PLXDC2: variants seen among roughly 807,000 people sequenced by gnomAD.
The protein encoded by PLXDC2 is plexin domain-containing protein 2.
Under a neutral mutation model 68.9 loss-of-function variants are expected in PLXDC2, and 40 were observed. The ratio of observed to expected loss-of-function variants is 0.58; its 90% CI spans 0.45 to 0.76. The LOEUF (loss-of-function observed/expected upper bound fraction) is 0.76. PLXDC2 is among the 30% of genes least tolerant of loss of function. The pLI, the probability that PLXDC2 is intolerant of heterozygous loss-of-function variation, is 0.00. For synonymous variants in PLXDC2, 243 were observed against 234.2 expected (o/e 1.04, Z -0.34); for missense variants, 644 against 661.9 (o/e 0.97, Z 0.30).
chr10:19,836,680 C>T (rs1836799021), intron 1 of PLXDC2, among the ~76,000 whole-genome samples: 1 of 152,186 alleles, frequency 6.6e-6, no homozygotes, highest in African/African-American at 2.4e-5. Context: ...GAAATAACAG[C>T]TGCATTCAAG....
intron 1 of PLXDC2, among the ~76,000 whole-genome samples, chr10:19,906,120 TAAAG>T (rs1345503997): frequency 1.3e-5 from 2 of 151,786 alleles, no homozygotes; most frequent in Non-Finnish European, 1.5e-5. Flanking sequence ...TGGAGCAAAA[TAAAG>T]AAGAGAGAGG....
intron 13 of PLXDC2, among the ~76,000 whole-genome samples, chr10:20,256,813 T>G (rs1835748746): frequency 6.6e-6 from 1 of 152,198 alleles, no homozygotes; most frequent in Non-Finnish European, 1.5e-5. Flanking sequence ...TACTGAACAT[T>G]GAATTTAGTC....
intron 4 of PLXDC2, among the ~76,000 whole-genome samples, chr10:20,093,375 A>G (rs139018357): frequency 0.011 from 1,684 of 152,190 alleles, 14 homozygotes; most frequent in Non-Finnish European, 0.017. Context: ...ATCAATATCT[A>G]TATTAATATT....
In PLXDC2 at chr10:20,283,077, T is replaced by A. The variant is rs1051909194; in HGVS notation, c.*3258T>A. 1 of 152,210 alleles carries A rather than the reference T, an allele frequency of 6.6e-6. No individual in the cohort carries two copies. Among genetic ancestry groups the A allele is most frequent in the African/African-American group, 2.4e-5 (1 of 41,462 alleles). 9.4% of individuals were successfully genotyped at this position (152,210 alleles called of 1,614,324 possible). ...CTTCCGTGGTTGAAGAAAATTTTAA[T>A]GGACAATGCTGTGTTTCATTTGAAT... On this transcript the variant is annotated 3_prime_UTR_variant, in exon 14 of 14. Transcript: ENST00000377252.
At chr10:19,921,907 G>T (rs1187142670) in intron 1 of PLXDC2, among the ~76,000 whole-genome samples, 1 of 151,978 alleles carries the variant, frequency 6.6e-6, no homozygotes, top group South Asian at 2.1e-4. Flanking sequence ...TCTCAGTCTG[G>T]AATGCAGTGG....
intron 9 of PLXDC2, among the ~76,000 whole-genome samples, chr10:20,203,005 G>A (rs1834941313): frequency 6.6e-6 from 1 of 152,040 alleles, no homozygotes; most frequent in African/African-American, 2.4e-5. Flanking sequence ...ATCATCAGTG[G>A]CTTTTAATCA....
chr10:19,904,042 G>T (rs1838202864), intron 1 of PLXDC2, among the ~76,000 whole-genome samples: 1 of 152,032 alleles, frequency 6.6e-6, no homozygotes, highest in Non-Finnish European at 1.5e-5. Context: ...TACGATCTGG[G>T]AGAGTACCTG....
At chr10:20,011,976 G>C (rs879840404) in intron 2 of PLXDC2, among the ~76,000 whole-genome samples, 6 of 152,124 alleles carry the variant, frequency 3.9e-5, no homozygotes, top group African/African-American at 1.4e-4. Flanking sequence ...GATAGTGTCT[G>C]ATAAACAGTG....
At chr10:19,935,931 G>T (rs562258231) in intron 1 of PLXDC2, among the ~76,000 whole-genome samples, 1 of 152,180 alleles carries the variant, frequency 6.6e-6, no homozygotes, top group African/African-American at 2.4e-5. Flanking sequence ...GCTATTCCTA[G>T]TAGATATCTA....
intron 9 of PLXDC2, 140 bp from the exon 10 acceptor site, chr10:20,211,529 G>A (rs921154793): frequency 2.0e-5 from 13 of 644,246 alleles, no homozygotes; most frequent in Non-Finnish European, 3.2e-5. Context: ...CTCCAGTTGC[G>A]AGTTCTATAG....
At chr10:20,001,443 G>C (rs564308246) in intron 1 of PLXDC2, among the ~76,000 whole-genome samples, 1 of 152,242 alleles carries the variant, frequency 6.6e-6, no homozygotes, top group East Asian at 1.9e-4. Context: ...TGCTTTCTCA[G>C]AACAGCTAGA....
intron 13 of PLXDC2, among the ~76,000 whole-genome samples, chr10:20,249,066 C>T (rs1202517189): frequency 1.3e-5 from 2 of 151,944 alleles, no homozygotes; most frequent in African/African-American, 4.8e-5. Context: ...TGATGTTTGC[C>T]CATTTAACAC....
intron 12 of PLXDC2, among the ~76,000 whole-genome samples, chr10:20,220,330 G>A (rs2131866385): frequency 6.6e-6 from 1 of 152,228 alleles, no homozygotes; most frequent in East Asian, 1.9e-4. Context: ...CCTATGTTGG[G>A]GTTACCTCAT....
intron 13 of PLXDC2, among the ~76,000 whole-genome samples, chr10:20,262,056 G>T (rs1237678236): frequency 6.6e-6 from 1 of 152,112 alleles, no homozygotes; most frequent in Non-Finnish European, 1.5e-5. Context: ...CCTCTCACTG[G>T]TTTCCTCTCA....
At chr10:20,260,302 T>C (rs2482818) in intron 13 of PLXDC2, among the ~76,000 whole-genome samples, 133,437 of 152,202 alleles carry the variant, frequency 0.88, 58,959 homozygotes, top group Middle Eastern at 0.95. Flanking sequence ...TAGACTTATT[T>C]GTCGTACATA....
At chr10:20,023,211 C>T (rs1488343977) in intron 2 of PLXDC2, among the ~76,000 whole-genome samples, 6 of 151,416 alleles carry the variant, frequency 4.0e-5, no homozygotes, top group Non-Finnish European at 8.8e-5. Flanking sequence ...AGAAATAAAA[C>T]ATGATAGAAT....
chr10:20,106,682 C>T (rs1323644013), intron 4 of PLXDC2, among the ~76,000 whole-genome samples: 1 of 151,970 alleles, frequency 6.6e-6, no homozygotes, highest in African/African-American at 2.4e-5. Flanking sequence ...GGCCAGAACT[C>T]TCCTTCACCT....
chr10:20,259,825 CT>C (rs1835787070), intron 13 of PLXDC2, among the ~76,000 whole-genome samples: 1 of 152,170 alleles, frequency 6.6e-6, no homozygotes, highest in Non-Finnish European at 1.5e-5. Flanking sequence ...ACAAGGAATT[CT>C]CAAAACTGAC....
At position 20,281,175 on chromosome 10, in the gene PLXDC2, G is replaced by A. The variant is rs1049068364; in HGVS notation, c.*1356G>A. 1.3e-5 allele frequency: 2 copies of A among 152,082 alleles called. No homozygotes were observed. Among genetic ancestry groups the A allele is most frequent in the African/African-American group, 4.8e-5 (2 of 41,430 alleles). The allele number at this position is 152,082 out of a possible 1,614,324, so 9.4% of individuals were successfully genotyped here. A position where few individuals can be genotyped will look rare whatever the true frequency, so the allele number is the denominator to read the frequency against. On this transcript the variant is annotated 3_prime_UTR_variant, in exon 14 of 14. Transcript: ENST00000377252. ...CCCCTTCCCTCTCTGGCTAAATAAA[G>A]TGGATGCAGAAAGCTCCTTAAATGG...
Sources: gnomAD v4.1 joint callset for allele counts (sites outside exome capture counted in the v4.1 genomes callset) on GRCh38, gnomAD v4.1.1 for gene constraint, MANE v1.5 for transcripts, NCBI Gene and HGNC (gene_info 2026-07-23, HGNC 2026-07-21) for gene names.